STK10: variants seen among roughly 807,000 people sequenced by gnomAD.
STK10 encodes serine/threonine kinase 10.
Under a neutral mutation model 113.8 loss-of-function variants are expected in STK10, and 78 were observed. The ratio of observed to expected loss-of-function variants is 0.69; its 90% CI spans 0.57 to 0.83. The LOEUF (loss-of-function observed/expected upper bound fraction) is 0.83, where lower values mean the gene tolerates loss of function less well. Ranked by LOEUF, STK10 falls within the 40% of genes least tolerant of loss-of-function variation. The pLI, the probability that STK10 is intolerant of heterozygous loss-of-function variation, is 0.00. For missense variants in STK10, 1,109 were observed against 1,280.1 expected, an observed-to-expected ratio of 0.87 and a Z score of 2.04; for synonymous variants, 465 against 494.7, an observed-to-expected ratio of 0.94 and a Z score of 0.80.
chr5:172,058,194 T>A (rs1486991005), intron 14 of STK10, among the ~76,000 whole-genome samples: 1 of 152,202 alleles, frequency 6.6e-6, no homozygotes, highest in Non-Finnish European at 1.5e-5. Context: ...TTTCACTGCA[T>A]TCCTGTTCCG....
At chr5:172,123,385 G>A (rs1403180828) in intron 3 of STK10, among the ~76,000 whole-genome samples, 3 of 152,216 alleles carry the variant, frequency 2.0e-5, no homozygotes, top group Non-Finnish European at 4.4e-5. Context: ...TCAGGACCAC[G>A]AGGAGAACTG....
Position 172,093,461 on chromosome 5 carries a change from A to G in STK10, c.1505T>C (p.Leu502Pro). The G allele has an allele frequency of 1.2e-6, 2 of 1,613,488 alleles. No homozygotes were observed. Residue 502 changes from leucine to proline, a missense_variant, in exon 9 of 19, where the codon CTC becomes CCC. Coordinates refer to ENST00000176763, the MANE Select transcript of STK10 (RefSeq NM_005990.4). The surrounding 1 kb of genome is among the most constrained non-coding windows in gnomAD (Gnocchi z 4.1). ...TTTGTTCAGCGACAGGTCAGTGGAGAGATTGGTACCATAGTCCATGCTCTC... is the reference window on the plus strand; with the variant it reads ...TTTGTTCAGCGACAGGTCAGTGGAGGGATTGGTACCATAGTCCATGCTCTC... ...TSESMDYGTNLSTDLSLNKEM... is the reference protein window; with the variant it reads ...TSESMDYGTNPSTDLSLNKEM...
chr5:172,158,031 C>T (rs897363068), intron 1 of STK10, among the ~76,000 whole-genome samples: 3 of 152,128 alleles, frequency 2.0e-5, no homozygotes, highest in African/African-American at 7.2e-5. Flanking sequence ...TGCATGTCAC[C>T]TAGGCAAAAC....
chr5:172,161,769 C>T (rs1049504367), intron 1 of STK10, among the ~76,000 whole-genome samples: 4 of 152,064 alleles, frequency 2.6e-5, no homozygotes, highest in African/African-American at 4.8e-5. Context: ...ATGAGGAGAC[C>T]GATCCGAGGC....
chr5:172,128,228 A>G (rs1398843750), intron 2 of STK10, among the ~76,000 whole-genome samples: 6 of 145,312 alleles, frequency 4.1e-5, no homozygotes, highest in Non-Finnish European at 8.9e-5. Flanking sequence ...TCTCAAAAAA[A>G]AAAAAAAAAA....
At chr5:172,071,096 G>C (rs1288663237) in intron 12 of STK10, among the ~76,000 whole-genome samples, 1 of 150,820 alleles carries the variant, frequency 6.6e-6, no homozygotes, top group Non-Finnish European at 1.5e-5. Flanking sequence ...TGTAATCCCA[G>C]CTACTCAGGA....
intron 16 of STK10, among the ~76,000 whole-genome samples, chr5:172,055,181 G>A (rs1184797137): frequency 3.3e-5 from 5 of 150,872 alleles, no homozygotes; most frequent in East Asian, 3.9e-4. Flanking sequence ...ACCTTATGGC[G>A]GGTGGGTCGG....
intron 10 of STK10, among the ~76,000 whole-genome samples, chr5:172,088,309 A>G (rs2113739196): frequency 6.6e-6 from 1 of 152,152 alleles, no homozygotes; most frequent in South Asian, 2.1e-4. Flanking sequence ...GCGGATCACA[A>G]GGTCAGGAGT....
intron 1 of STK10, among the ~76,000 whole-genome samples, chr5:172,161,733 T>C (rs1353391247): frequency 6.6e-6 from 1 of 152,096 alleles, no homozygotes; most frequent in African/African-American, 2.4e-5. Context: ...CCCTACAATG[T>C]GGTGCTGTCA....
chr5:172,053,276 A>G (rs902596675), intron 17 of STK10: 2 of 459,566 alleles, frequency 4.4e-6, no homozygotes, highest in Non-Finnish European at 7.9e-6. Flanking sequence ...GTGGGGAGGT[A>G]TAGTAAATTT....
At chr5:172,150,001 C>T (rs1254262886) in intron 2 of STK10, among the ~76,000 whole-genome samples, 6 of 142,324 alleles carry the variant, frequency 4.2e-5, no homozygotes, top group East Asian at 2.1e-4. Flanking sequence ...GAGCCGAGAT[C>T]GCGCCATTGC....
rs977904273 is a variant in STK10, at chr5:172,145,697, T to C, written c.321+10927A>G. On this transcript the variant is annotated intron_variant, in intron 2 of 18. Coordinates refer to ENST00000176763, the MANE Select transcript of STK10 (RefSeq NM_005990.4). ...TGGCCGGACACTAACAGAATGACCT[T>C]GGGACAAGTAACTTCGGAGATCCAA... 4.6e-5 allele frequency among the ~76,000 whole-genome samples: 7 copies of C among 152,180 alleles called. No individual in the cohort carries two copies. The East Asian group carries it at 1.3e-3, about 29-fold the overall frequency.
intron 4 of STK10, 126 bp from the exon 5 acceptor site, chr5:172,107,978 A>G (rs1769153918): frequency 1.4e-6 from 1 of 733,896 alleles, no homozygotes; most frequent in African/African-American, 1.8e-5. Flanking sequence ...GCAAATTAGA[A>G]AGCATTAAAA....
At position 172,055,727 on chromosome 5, in the gene STK10, T is replaced by A; in HGVS notation, c.2387A>T (p.Lys796Met). 1 of 1,579,362 alleles carries A rather than the reference T, an allele frequency of 6.3e-7. No homozygotes were observed. Among genetic ancestry groups the A allele is most frequent in the Middle Eastern group, 1.7e-4 (1 of 5,896 alleles). ...RYNQRMIEQL[K>M]VRQQQEKARL... ...CGCCTTTTCCTGTTGCTGCCGCACCTTCAGCTGCTCTATCATGCGCTGGTT... is the reference window on the plus strand; with the variant it reads ...CGCCTTTTCCTGTTGCTGCCGCACCATCAGCTGCTCTATCATGCGCTGGTT... The change falls in exon 16 of 19, where the codon AAG (lysine) becomes ATG (methionine). Residue 796 changes from lysine (K) to methionine (M), a missense_variant. Transcript: ENST00000176763.
At chr5:172,115,804 T>C (rs1343331553) in intron 4 of STK10, among the ~76,000 whole-genome samples, 1 of 152,208 alleles carries the variant, frequency 6.6e-6, no homozygotes, top group Non-Finnish European at 1.5e-5. Context: ...ACATATCAGA[T>C]GCTGGCTCAG....
At chr5:172,084,724 T>C (rs1205417541) in intron 10 of STK10, among the ~76,000 whole-genome samples, 4 of 152,166 alleles carry the variant, frequency 2.6e-5, no homozygotes, top group Middle Eastern at 3.4e-3. Flanking sequence ...TATCCTTTAC[T>C]GAAAAAGCTT....
rs1322895509 is a variant in STK10, at chr5:172,093,427, G to A, written c.1539C>T (p.Gly513=). The A allele has an allele frequency of 1.9e-6, 3 of 1,599,812 alleles. No individual in the cohort carries two copies. The South Asian group carries it at 3.3e-5, about 18-fold the overall frequency. Residue 513 remains glycine, a synonymous_variant, in exon 9 of 19, where the codon GGC becomes GGT. Transcript: ENST00000176763. This position sits in a 1 kb window ranked among gnomAD's most constrained non-coding sequence, Gnocchi z 4.1. The part of the protein sequence containing the change: ...STDLSLNKEM[G]SLSIKDPKLY... ...GCGGTGTTACCTTGATGGACAGAGAGCCCATCTCTTTGTTCAGCGACAGGT... is the reference window on the plus strand; with the variant it reads ...GCGGTGTTACCTTGATGGACAGAGAACCCATCTCTTTGTTCAGCGACAGGT...
At chr5:172,049,325 C>T (rs1015286852) in intron 18 of STK10, among the ~76,000 whole-genome samples, 4 of 152,156 alleles carry the variant, frequency 2.6e-5, no homozygotes, top group East Asian at 1.9e-4. Context: ...GGGGCAAGGA[C>T]GGGGAGCCCA....
At chr5:172,051,120 T>C (rs1767617329) in intron 18 of STK10, among the ~76,000 whole-genome samples, 1 of 152,050 alleles carries the variant, frequency 6.6e-6, no homozygotes, top group South Asian at 2.1e-4. Context: ...TTCTCGCACT[T>C]GGATGTAACT....
Sources: allele counts gnomAD v4.1 joint callset (sites outside exome capture counted in the v4.1 genomes callset), GRCh38; gene constraint gnomAD v4.1.1; non-coding constraint Gnocchi (gnomAD v3.1); transcripts MANE v1.5; gene names NCBI Gene and HGNC (gene_info 2026-07-23, HGNC 2026-07-21).